Variants in RFX7 observed in about 807,000 individuals in gnomAD.
RFX7 encodes the protein DNA-binding protein RFX7.
Under a neutral mutation model 111.8 loss-of-function variants are expected in RFX7, and 26 were observed. That is an observed-to-expected ratio of 0.23 (90% CI 0.17 to 0.32). The LOEUF is 0.32. Among genes scored for constraint, RFX7 ranks in the 10% least tolerant of loss-of-function variants. The pLI, the probability that RFX7 is intolerant of heterozygous loss-of-function variation, is 1.00. For synonymous variants in RFX7, 624 were observed against 624.4 expected (o/e 1.00, Z 0.01); for missense variants, 1,573 against 1,772.9 (o/e 0.89, Z 2.02).
intron 5 of RFX7, among the ~76,000 whole-genome samples, chr15:56,123,438 G>C (rs1488962527): frequency 1.3e-5 from 2 of 152,150 alleles, no homozygotes; most frequent in Admixed American, 6.5e-5. Context: ...TGGTATTTAA[G>C]CATTAAGATA....
At chr15:56,207,883 T>C (rs1201665105) in intron 2 of RFX7, among the ~76,000 whole-genome samples, 3 of 151,982 alleles carry the variant, frequency 2.0e-5, no homozygotes, top group Admixed American at 6.6e-5. Context: ...GAAAGACCAA[T>C]AGGAAAATGC....
chr15:56,140,157 C>G (rs1187015516), intron 5 of RFX7, among the ~76,000 whole-genome samples: 1 of 152,226 alleles, frequency 6.6e-6, no homozygotes, highest in Non-Finnish European at 1.5e-5. Context: ...GTTGGAGCTT[C>G]CTGGCTGCTT....
Position 56,094,175 on chromosome 15 carries a change from C to T in RFX7, c.3553G>A (p.Val1185Ile). Residue 1185 changes from valine (V) to isoleucine (I), a missense_variant, in exon 10 of 10, where the codon GTA becomes ATA. Val to Ile is a conservative substitution (Grantham distance 29, BLOSUM62 3). Transcript: ENST00000559447. ...RNLSGSTLYP[V>I]SNIPRSNVTP... is the part of the protein sequence containing the mutation. ...ACATTAGATCGTGGGATATTAGATA[C>T]TGGATAGAGGGTGCTTCCACTAAGA... The T allele has an allele frequency of 6.2e-7, 1 of 1,613,966 alleles. No individual in the cohort carries two copies. The highest frequency in any genetic ancestry group is 1.3e-5 in the African/African-American group (1 of 75,044).
At position 56,096,641 on chromosome 15, in the gene RFX7, A is replaced by T. The variant is rs746696480; in HGVS notation, c.1108-21T>A. 3.9e-6 allele frequency: 6 copies of T among 1,543,326 alleles called. No homozygotes were observed. The African/African-American group carries it at 4.1e-5, about 11-fold the overall frequency. On this transcript the variant is annotated intron_variant, in intron 9 of 9. Transcript: ENST00000559447. ...TGGACCTGTTAAAAGATAGCAAAAAATCAGATTTAACAGGTCTAGCCTGTA... is the reference window on the plus strand; with the variant it reads ...TGGACCTGTTAAAAGATAGCAAAAATTCAGATTTAACAGGTCTAGCCTGTA...
At chr15:56,109,488 C>T (rs1178833141) in intron 5 of RFX7, among the ~76,000 whole-genome samples, 2 of 152,240 alleles carry the variant, frequency 1.3e-5, no homozygotes, top group East Asian at 1.9e-4. Context: ...AGGTGAGGAG[C>T]GTCTCTGCCT....
chr15:56,095,622 T>G lies in RFX7; in HGVS notation c.2106A>C (p.Ser702=), dbSNP rs1205193976. ...CTGCTGTTGAACCTTCTGTTTTCCC[T>G]GAATGTGGAACCTTTTGGTCCTTCT... ...SVKKDQKVPH[S]GKTEGSTAGA... Residue 702 remains serine, a synonymous_variant, in exon 10 of 10, where the codon TCA becomes TCC. Coordinates refer to ENST00000559447, the MANE Select transcript of RFX7 (RefSeq NM_022841.7). The G allele has an allele frequency of 6.9e-5, 111 of 1,613,918 alleles. No homozygotes were observed. The highest frequency in any genetic ancestry group is 9.0e-5 in the Non-Finnish European group (106 of 1,179,888).
At position 56,179,800 on chromosome 15, in the gene RFX7, ACACACACACAC is replaced by A. The variant is rs1456395092; in HGVS notation, c.162-508_162-498del. Among the ~76,000 whole-genome samples, 107 of 122,370 alleles carry A rather than the reference ACACACACACAC, an allele frequency of 8.7e-4. 1 individual carries two copies. Among genetic ancestry groups the A allele is most frequent in the African/African-American group, 2.7e-3 (95 of 35,034 alleles). 80.3% of individuals were successfully genotyped at this position (122,370 alleles called of 152,430 possible). A position where few individuals can be genotyped will look rare whatever the true frequency, so the allele number is the denominator to read the frequency against. On this transcript the variant is annotated intron_variant, in intron 2 of 9. Coordinates refer to ENST00000559447, the MANE Select transcript of RFX7 (RefSeq NM_022841.7). ...CACACACACACACACACACACACACACACACACACACACCAGTAACAGGAATCCCTAGACAT... is the reference window on the plus strand; with the variant it reads ...CACACACACACACACACACACACACAACCAGTAACAGGAATCCCTAGACAT...
At chr15:56,243,040 G>GCGCCC in intron 2 of RFX7, 85 bp downstream of exon 2, 1 of 570,718 alleles carries the variant, frequency 1.8e-6, no homozygotes, top group Non-Finnish European at 3.1e-6. Context: ...CTCCTCCTCC[G>GCGCCC]CTCCCCCCGC....
chr15:56,112,902 A>G (rs189248339), intron 5 of RFX7, among the ~76,000 whole-genome samples: 100 of 152,350 alleles, frequency 6.6e-4, no homozygotes, highest in African/African-American at 2.3e-3. Context: ...TATGAAAAAA[A>G]TCTCAACTTC....
chr15:56,151,148 A>T (rs2042564134), intron 3 of RFX7, among the ~76,000 whole-genome samples: 1 of 151,968 alleles, frequency 6.6e-6, no homozygotes, highest in South Asian at 2.1e-4. Context: ...TCAGGATATT[A>T]TCCAGAACTT....
rs2041661408 is a variant in RFX7, at chr15:56,095,468, G to C, written c.2260C>G (p.Pro754Ala). 1 of 1,612,370 alleles carries C rather than the reference G, an allele frequency of 6.2e-7. No homozygotes were observed. The highest frequency in any genetic ancestry group is 8.5e-7 in the Non-Finnish European group (1 of 1,179,854). ...LEQQTTPSSSPDIKVKLEGSV... is the reference protein window; with the variant it reads ...LEQQTTPSSSADIKVKLEGSV... Reference sequence around the variant, plus strand: ...CCTTCAAGTTTTACTTTTATATCTGGAGATGATGATGGGGTTGTTTGCTGT... The same window carrying C: ...CCTTCAAGTTTTACTTTTATATCTGCAGATGATGATGGGGTTGTTTGCTGT... The change falls in exon 10 of 10, where the codon CCA becomes GCA. Residue 754 changes from proline to alanine, a missense_variant. Physicochemically the swap from Pro to Ala is conservative, Grantham distance 27 (BLOSUM62 -1). Around this residue, in one of 7 missense-constraint regions of RFX7, gnomAD observed 625 missense variants for 632.2 expected, o/e 0.99. Coordinates refer to ENST00000559447, the MANE Select transcript of RFX7 (RefSeq NM_022841.7).
At chr15:56,104,288 A>C (rs2140531670) in intron 5 of RFX7, among the ~76,000 whole-genome samples, 1 of 152,302 alleles carries the variant, frequency 6.6e-6, no homozygotes, top group East Asian at 1.9e-4. Flanking sequence ...GGATCTGGAG[A>C]CACACCAAGT....
chr15:56,238,586 T>C (rs73411519), intron 2 of RFX7, among the ~76,000 whole-genome samples: 4,303 of 152,248 alleles, frequency 0.028, 198 homozygotes, highest in African/African-American at 0.099. Flanking sequence ...ATAGATCTTA[T>C]ATGACCGTTT....
chr15:56,111,360 G>A (rs1420797574), intron 5 of RFX7, among the ~76,000 whole-genome samples: 1 of 152,000 alleles, frequency 6.6e-6, no homozygotes, highest in South Asian at 2.1e-4. Flanking sequence ...CCAACCCGGT[G>A]CTCTCTGAAA....
At chr15:56,144,897 G>A (rs1474478605) in intron 3 of RFX7, among the ~76,000 whole-genome samples, 2 of 152,148 alleles carry the variant, frequency 1.3e-5, no homozygotes, top group Admixed American at 6.5e-5. Flanking sequence ...CAAATTTTCT[G>A]TAGAACTATA....
intron 2 of RFX7, among the ~76,000 whole-genome samples, chr15:56,242,883 G>A (rs2043719322): frequency 6.6e-6 from 1 of 152,094 alleles, no homozygotes; most frequent in Non-Finnish European, 1.5e-5. Flanking sequence ...CAAAAAACTT[G>A]TTTATCTGCA....
chr15:56,162,547 G>C (rs1171467699), intron 3 of RFX7, among the ~76,000 whole-genome samples: 1 of 151,896 alleles, frequency 6.6e-6, no homozygotes, highest in African/African-American at 2.4e-5. Context: ...ACAATGGTTA[G>C]AGCATTGTTT....
At chr15:56,112,117 A>G (rs1179784731) in intron 5 of RFX7, among the ~76,000 whole-genome samples, 44 of 117,740 alleles carry the variant, frequency 3.7e-4, no homozygotes, top group Admixed American at 1.6e-3. Flanking sequence ...TTTGCCCCAG[A>G]AAAAAAAAAA....
At chr15:56,157,788 C>T (rs983090153) in intron 3 of RFX7, among the ~76,000 whole-genome samples, 15 of 152,176 alleles carry the variant, frequency 9.9e-5, no homozygotes, top group Non-Finnish European at 1.8e-4. Flanking sequence ...CCATGTTGGT[C>T]GGGCTGGTCT....
Sources: gnomAD v4.1 joint callset for allele counts (sites outside exome capture counted in the v4.1 genomes callset) on GRCh38, gnomAD v4.1.1 for gene constraint, gnomAD v4.1.1 regional missense constraint, MANE v1.5 for transcripts, NCBI Gene and HGNC (gene_info 2026-07-23, HGNC 2026-07-21) for gene names.